CELF2: variants seen among roughly 807,000 people sequenced by gnomAD.
CELF2 encodes the protein CUG triplet repeat RNA-binding protein 2.
In CELF2, 8 loss-of-function variants were observed where a neutral mutation model predicts 62.6. The ratio of observed to expected loss-of-function variants is 0.13; its 90% confidence interval spans 0.07 to 0.23. The LOEUF (loss-of-function observed/expected upper bound fraction) is 0.23. Ranked by LOEUF, CELF2 falls within the 10% of genes least tolerant of loss-of-function variation. CELF2 has a pLI of 1.00. For missense variants in CELF2, 333 were observed against 671.0 expected, an observed-to-expected ratio of 0.50 and a Z score of 5.56; for synonymous variants, 258 against 250.0, an observed-to-expected ratio of 1.03 and a Z score of -0.30.
At chr10:11,240,299 C>A (rs1331872807) in intron 3 of CELF2, among the ~76,000 whole-genome samples, 2 of 152,224 alleles carry the variant, frequency 1.3e-5, no homozygotes, top group African/African-American at 2.4e-5. Flanking sequence ...TGATTGTTCA[C>A]CCAACAATGA....
intron 1 of CELF2, among the ~76,000 whole-genome samples, chr10:10,808,055 CA>C (rs1281535889): frequency 6.6e-6 from 1 of 152,048 alleles, no homozygotes; most frequent in Non-Finnish European, 1.5e-5. Flanking sequence ...TTCTGGATGA[CA>C]AAATACTGAA....
intron 1 of CELF2, among the ~76,000 whole-genome samples, chr10:10,806,886 G>A (rs1039076342): frequency 1.3e-5 from 2 of 152,162 alleles, no homozygotes; most frequent in African/African-American, 4.8e-5. Flanking sequence ...CCAAAACAAG[G>A]AACAGGACTA....
chr10:10,635,132 G>T, the CELF2 span, among the ~76,000 whole-genome samples: 3 of 152,156 alleles, frequency 2.0e-5, no homozygotes, highest in Non-Finnish European at 4.4e-5. Flanking sequence ...CACTCAAGGG[G>T]CAGGGACAGA....
intron 1 of CELF2, among the ~76,000 whole-genome samples, chr10:10,910,201 G>C (rs916681121): frequency 6.6e-6 from 1 of 152,098 alleles, no homozygotes; most frequent in Non-Finnish European, 1.5e-5. Flanking sequence ...TTTTGTTTTT[G>C]ATTAATAATT....
the CELF2 span, among the ~76,000 whole-genome samples, chr10:10,714,135 A>G: frequency 6.6e-6 from 1 of 152,226 alleles, no homozygotes; most frequent in Non-Finnish European, 1.5e-5. Flanking sequence ...GATGGTGATT[A>G]AAGACATCGC....
At chr10:10,551,486 A>G in the CELF2 span, among the ~76,000 whole-genome samples, 1 of 152,060 alleles carries the variant, frequency 6.6e-6, no homozygotes, top group Admixed American at 6.6e-5. Flanking sequence ...AACTAAGCAG[A>G]GCTGGACCCC....
intron 1 of CELF2, among the ~76,000 whole-genome samples, chr10:11,130,369 C>A (rs1163738688): frequency 1.3e-5 from 2 of 152,196 alleles, no homozygotes; most frequent in Non-Finnish European, 1.5e-5. Flanking sequence ...CTCCCCTGAG[C>A]AGGTAGGGGC....
chr10:10,603,178 G>T, the CELF2 span, among the ~76,000 whole-genome samples: 1 of 151,826 alleles, frequency 6.6e-6, no homozygotes, highest in East Asian at 1.9e-4. Context: ...TGAACACCTG[G>T]TAGAGCTTTA....
At chr10:11,147,218 G>A (rs1262372062) in intron 1 of CELF2, among the ~76,000 whole-genome samples, 1 of 152,072 alleles carries the variant, frequency 6.6e-6, no homozygotes, top group Non-Finnish European at 1.5e-5. Flanking sequence ...CTGCTACTTG[G>A]TATTTTCAGG....
chr10:10,662,247 C>T, the CELF2 span, among the ~76,000 whole-genome samples: 11 of 152,274 alleles, frequency 7.2e-5, no homozygotes, highest in Admixed American at 2.6e-4. Context: ...TAGAACAATC[C>T]ATGCAAAGAA....
intron 2 of CELF2, among the ~76,000 whole-genome samples, chr10:10,973,365 C>T (rs1474769339): frequency 2.6e-5 from 4 of 152,106 alleles, no homozygotes; most frequent in Admixed American, 6.5e-5. Flanking sequence ...CAGCACCCCA[C>T]GCCTGACATC....
At chr10:10,500,096 T>C in the CELF2 span, among the ~76,000 whole-genome samples, 22 of 152,302 alleles carry the variant, frequency 1.4e-4, no homozygotes, top group East Asian at 4.2e-3. Context: ...TATCGAAGCT[T>C]CTAACTGTCT....
the CELF2 span, among the ~76,000 whole-genome samples, chr10:10,595,316 G>A: frequency 1.1e-5 from 1 of 88,012 alleles, no homozygotes; most frequent in Non-Finnish European, 2.8e-5. Context: ...CCACAGTCAC[G>A]GGTAATAGAA....
rs184218699 is a variant in CELF2 at position 11,221,483 on chromosome 10, C to T, written c.354+3976C>T. On this transcript the variant is annotated intron_variant, in intron 3 of 12. Coordinates refer to ENST00000633077, the MANE Select transcript of CELF2 (RefSeq NM_001326342.2). The stretch of plus-strand genomic sequence containing the variant: ...CTTTTCAATAATCAGATGTCAGGGC[C>T]AAATATCCTTGTGCCGGTGTCAGCA... 2.0e-3 allele frequency among the ~76,000 whole-genome samples: 309 copies of T among 152,326 alleles called. 3 individuals are homozygous for T. The highest frequency in any genetic ancestry group is 5.7e-3 in the Admixed American group (87 of 15,304).
chr10:10,553,604 G>T, the CELF2 span, among the ~76,000 whole-genome samples: 5 of 152,162 alleles, frequency 3.3e-5, no homozygotes, highest in Non-Finnish European at 7.3e-5. Flanking sequence ...AGGAGATCTG[G>T]TCTCTGCTTT....
chr10:10,912,277 C>A (rs548570489), intron 1 of CELF2, among the ~76,000 whole-genome samples: 4 of 152,328 alleles, frequency 2.6e-5, no homozygotes, highest in Admixed American at 1.3e-4. Flanking sequence ...TACCCCGCTA[C>A]CTTGCTTCAT....
chr10:10,724,496 A>G, the CELF2 span, among the ~76,000 whole-genome samples: 1 of 152,052 alleles, frequency 6.6e-6, no homozygotes, highest in Non-Finnish European at 1.5e-5. Context: ...TCTATTAAAA[A>G]TACAAAAAAA....
intron 1 of CELF2, among the ~76,000 whole-genome samples, chr10:11,023,244 A>G (rs964189431): frequency 6.6e-6 from 1 of 152,236 alleles, no homozygotes; most frequent in South Asian, 2.1e-4. Flanking sequence ...GTTCTCATGC[A>G]TCCTGTTTGT....
the CELF2 span, among the ~76,000 whole-genome samples, chr10:10,710,489 T>C: frequency 6.6e-6 from 1 of 152,182 alleles, no homozygotes; most frequent in Non-Finnish European, 1.5e-5. Flanking sequence ...GCTCCACAAA[T>C]GGTACCATTT....
Sources: gnomAD v4.1 joint callset for allele counts (sites outside exome capture counted in the v4.1 genomes callset) on GRCh38, gnomAD v4.1.1 for gene constraint, MANE v1.5 for transcripts, NCBI Gene and HGNC (gene_info 2026-07-23, HGNC 2026-07-21) for gene names.